The following CFAP299 variants were observed in gnomAD, a reference collection of about 807,000 sequenced individuals.
CFAP299 encodes the protein cilia and flagella associated protein 299, also known as cilia- and flagella-associated protein 299.
In CFAP299, 21 loss-of-function variants were observed where a neutral mutation model predicts 27.0. The ratio of observed to expected loss-of-function variants is 0.78; its 90% CI spans 0.55 to 1.12. The LOEUF (loss-of-function observed/expected upper bound fraction) is 1.12. Ranked by LOEUF, CFAP299 falls within the 50% of genes most tolerant of loss-of-function variation. CFAP299 has a pLI of 0.00. For synonymous variants in CFAP299, 104 were observed against 98.1 expected (o/e 1.06, Z -0.36); for missense variants, 310 against 276.6 (o/e 1.12, Z -0.86).
At chr4:80,710,674 C>T (rs1001352121) in intron 3 of CFAP299, among the ~76,000 whole-genome samples, 5 of 151,444 alleles carry the variant, frequency 3.3e-5, no homozygotes, top group Non-Finnish European at 5.9e-5. Flanking sequence ...GTTCCAACTA[C>T]ATCATCCCTC....
chr4:80,880,761 A>G (rs559349143), intron 4 of CFAP299, among the ~76,000 whole-genome samples: 73 of 151,798 alleles, frequency 4.8e-4, no homozygotes, highest in African/African-American at 1.5e-3. Context: ...ATAAAATTAA[A>G]TTAAATTAAA....
intron 3 of CFAP299, among the ~76,000 whole-genome samples, chr4:80,853,967 G>C (rs13110486): frequency 0.13 from 19,810 of 152,084 alleles, 1,495 homozygotes; most frequent in Middle Eastern, 0.25. Context: ...AGTAAAAAGT[G>C]ATAATTAAGT....
At chr4:80,650,875 G>A (rs113763853) in intron 3 of CFAP299, among the ~76,000 whole-genome samples, 3 of 151,984 alleles carry the variant, frequency 2.0e-5, no homozygotes, top group African/African-American at 7.3e-5. Context: ...GGATGGGAAG[G>A]GGGTGCGGGA....
rs959789068 is a variant in CFAP299 at position 80,373,559 on chromosome 4, A to G, written c.242+10675A>G. Among the ~76,000 whole-genome samples the G allele has an allele frequency of 5.3e-5, 8 of 152,230 alleles. No homozygotes were observed. In the South Asian group the frequency reaches 1.0e-3, roughly 20 times the overall value. On this transcript the variant is annotated intron_variant, in intron 2 of 5. Coordinates refer to ENST00000358105, the MANE Select transcript of CFAP299 (RefSeq NM_152770.3). ...AAGTAACCATCTTTAATTTCTAACTATGATACAAATTGAGTTATTCCTTTA... is the reference window on the plus strand; with the variant it reads ...AAGTAACCATCTTTAATTTCTAACTGTGATACAAATTGAGTTATTCCTTTA...
rs550414533 is a variant in CFAP299, at chr4:80,572,507, GTTTTTTTT to G, written c.243-10565_243-10558del. On this transcript the variant is annotated intron_variant, in intron 2 of 5. Coordinates refer to ENST00000358105, the MANE Select transcript of CFAP299 (RefSeq NM_152770.3). ...TGTTGTTGCACATGACTGGATCCCA[GTTTTTTTT>G]TTTTTTTTTTTTTTTTTTTTGAGAG... Among the ~76,000 whole-genome samples, 313 of 36,390 alleles carry G rather than the reference GTTTTTTTT, an allele frequency of 8.6e-3. 13 individuals are homozygous for G. Among genetic ancestry groups the G allele is most frequent in the Admixed American group, 0.043 (79 of 1,820 alleles). 23.9% of individuals were successfully genotyped at this position (36,390 alleles called of 152,430 possible). A position where few individuals can be genotyped will look rare whatever the true frequency, so the allele number is the denominator to read the frequency against.
intron 4 of CFAP299, among the ~76,000 whole-genome samples, chr4:80,931,720 G>A (rs373098210): frequency 3.6e-3 from 526 of 147,942 alleles, no homozygotes; most frequent in Middle Eastern, 0.014. Flanking sequence ...TAACATGCAC[G>A]CACACACACA....
At chr4:80,791,716 A>G (rs893520669) in intron 3 of CFAP299, among the ~76,000 whole-genome samples, 2 of 151,976 alleles carry the variant, frequency 1.3e-5, no homozygotes, top group Non-Finnish European at 2.9e-5. Context: ...ACAAAGAGCA[A>G]TGAGTGAAGA....
At position 80,531,686 on chromosome 4, in the gene CFAP299, TC is replaced by T. The variant is rs201780355; in HGVS notation, c.243-51404del. Among the ~76,000 whole-genome samples, 915 of 152,102 alleles carry T rather than the reference TC, an allele frequency of 6.0e-3. 7 individuals carry two copies. Among genetic ancestry groups the T allele is most frequent in the Middle Eastern group, 0.014 (4 of 294 alleles). ...TGTTCCTAGCTAAAAATACTAATTT[TC>T]CCAGCCTCCCTTGCATCTAGGTGTG... is the stretch of plus-strand genomic sequence containing the variant. On this transcript the variant is annotated intron_variant, in intron 2 of 5. Coordinates refer to ENST00000358105, the MANE Select transcript of CFAP299 (RefSeq NM_152770.3).
chr4:80,791,947 C>T lies in CFAP299; in HGVS notation c.334-78046C>T, dbSNP rs561093362. The stretch of plus-strand genomic sequence containing the variant: ...GAGAATGACACTGAGGAGCAGGGAG[C>T]GGGGTTATCAAAAATATAAACAACT... On this transcript the variant is annotated intron_variant, in intron 3 of 5. Coordinates refer to ENST00000358105, the MANE Select transcript of CFAP299 (RefSeq NM_152770.3). 9.9e-5 allele frequency among the ~76,000 whole-genome samples: 15 copies of T among 151,440 alleles called. No individual in the cohort carries two copies. The East Asian group carries it at 1.2e-3, about 12-fold the overall frequency.
In CFAP299 at chr4:80,679,886, G is replaced by T. The variant is rs149611022; in HGVS notation, c.333+96703G>T. Among the ~76,000 whole-genome samples, 384 of 151,886 alleles carry T rather than the reference G, an allele frequency of 2.5e-3. 4 individuals carry two copies. The highest frequency in any genetic ancestry group is 7.6e-3 in the African/African-American group (317 of 41,462). On this transcript the variant is annotated intron_variant, in intron 3 of 5. Coordinates refer to ENST00000358105, the MANE Select transcript of CFAP299 (RefSeq NM_152770.3). ...GTTTGCAAACATTTTCTCCCAGACT[G>T]TAACTTACTTTTTCATTCTCTTAAC... is the stretch of plus-strand genomic sequence containing the variant.
intron 3 of CFAP299, among the ~76,000 whole-genome samples, chr4:80,824,341 C>T (rs577794034): frequency 1.3e-4 from 20 of 152,202 alleles, no homozygotes; most frequent in African/African-American, 2.9e-4. Flanking sequence ...ATGTTTATGG[C>T]GCAGTTTATA....
chr4:80,702,588 A>G (rs1721567700), intron 3 of CFAP299, among the ~76,000 whole-genome samples: 1 of 151,826 alleles, frequency 6.6e-6, no homozygotes, highest in Admixed American at 6.6e-5. Context: ...TAAAATTATT[A>G]CTATTTGGGT....
intron 3 of CFAP299, among the ~76,000 whole-genome samples, chr4:80,702,454 C>A (rs924496895): frequency 5.3e-5 from 8 of 151,812 alleles, no homozygotes; most frequent in Admixed American, 2.0e-4. Flanking sequence ...GAGATAAATA[C>A]CTTACCAAAT....
intron 3 of CFAP299, among the ~76,000 whole-genome samples, chr4:80,808,419 A>G (rs988358901): frequency 1.3e-5 from 2 of 152,138 alleles, no homozygotes; most frequent in African/African-American, 4.8e-5. Flanking sequence ...TGATCTGTAT[A>G]TTATTTCTCT....
intron 3 of CFAP299, among the ~76,000 whole-genome samples, chr4:80,832,741 A>G (rs934973491): frequency 2.0e-5 from 3 of 152,112 alleles, no homozygotes; most frequent in Non-Finnish European, 4.4e-5. Flanking sequence ...TGGGTTTTCT[A>G]TTACATACAT....
At chr4:80,482,593 A>G (rs1409987843) in intron 2 of CFAP299, among the ~76,000 whole-genome samples, 1 of 152,168 alleles carries the variant, frequency 6.6e-6, no homozygotes. Context: ...AAGAGGTAGC[A>G]TTACTATATT....
At chr4:80,788,027 T>C (rs1727344980) in intron 3 of CFAP299, among the ~76,000 whole-genome samples, 1 of 152,004 alleles carries the variant, frequency 6.6e-6, no homozygotes, top group South Asian at 2.1e-4. Context: ...TGCGACTCAC[T>C]CTCTGAGTTT....
chr4:80,384,528 C>T (rs1414293718), intron 2 of CFAP299, among the ~76,000 whole-genome samples: 1 of 152,174 alleles, frequency 6.6e-6, no homozygotes, highest in Non-Finnish European at 1.5e-5. Flanking sequence ...TACTTGTGAT[C>T]TCCTGGGAGC....
In CFAP299 at chr4:80,531,555, G is replaced by T. The variant is rs116104556; in HGVS notation, c.243-51538G>T. Among the ~76,000 whole-genome samples the T allele has an allele frequency of 2.8e-3, 427 of 152,148 alleles. 2 individuals are homozygous for T. The highest frequency in any genetic ancestry group is 9.3e-3 in the African/African-American group (385 of 41,510). ...TTTATTATCTTTTAAAGTCTGCAGA[G>T]AAAAACCTCAAAGATTATTTCAGAC... is the stretch of plus-strand genomic sequence containing the variant. On this transcript the variant is annotated intron_variant, in intron 2 of 5. Transcript: ENST00000358105.
Sources: allele counts gnomAD v4.1 joint callset (sites outside exome capture counted in the v4.1 genomes callset), GRCh38; gene constraint gnomAD v4.1.1; transcripts MANE v1.5; gene names NCBI Gene and HGNC (gene_info 2026-07-23, HGNC 2026-07-21).